LTA4H: variants seen among roughly 807,000 people sequenced by gnomAD.
LTA4H encodes the protein leukotriene A-4 hydrolase.
LTA4H carries 59 observed loss-of-function variants against 89.8 expected under a neutral mutation model. The observed-to-expected ratio is 0.66, with a 90% confidence interval of 0.53 to 0.82. The LOEUF is 0.82. LTA4H is among the 40% of genes least tolerant of loss of function. The pLI, the probability that LTA4H is intolerant of heterozygous loss-of-function variation, is 0.00. For synonymous variants in LTA4H, 227 were observed against 253.1 expected, an observed-to-expected ratio of 0.90 and a Z score of 0.98; for missense variants, 617 against 727.0, an observed-to-expected ratio of 0.85 and a Z score of 1.74.
upstream of LTA4H, among the ~76,000 whole-genome samples, chr12:96,037,846 G>A (rs564346653): frequency 1.7e-4 from 26 of 152,038 alleles, no homozygotes; most frequent in Middle Eastern, 3.4e-3. Context: ...CACCAAGACC[G>A]ACTAATTTTT....
At chr12:96,028,304 G>A (rs769537330) in intron 2 of LTA4H, among the ~76,000 whole-genome samples, 4 of 152,106 alleles carry the variant, frequency 2.6e-5, no homozygotes, top group Non-Finnish European at 5.9e-5. Context: ...ACCTCCCTAT[G>A]CCACAGTTTC....
chr12:96,029,002 AAT>A (rs1950542331), intron 2 of LTA4H, 51 bp downstream of exon 2: 1 of 1,427,508 alleles, frequency 7.0e-7, no homozygotes, highest in East Asian at 2.5e-5. Context: ...ATTAGTTAAG[AAT>A]ATGTTTCCCC....
chr12:96,008,972 T>G (rs1181329076), intron 15 of LTA4H, 122 bp downstream of exon 15: 2 of 744,736 alleles, frequency 2.7e-6, no homozygotes, highest in Non-Finnish European at 4.7e-6. Context: ...TAGATAAACC[T>G]GACTTTCAAA....
chr12:96,004,451 G>A (rs1303763408), intron 16 of LTA4H, among the ~76,000 whole-genome samples: 1 of 152,140 alleles, frequency 6.6e-6, no homozygotes, highest in Non-Finnish European at 1.5e-5. Context: ...TTTCCCTAGG[G>A]GGAAAATACA....
At chr12:96,001,218 G>T in intron 18 of LTA4H, 112 bp from the exon 19 acceptor site, 1 of 693,062 alleles carries the variant, frequency 1.4e-6, no homozygotes. Context: ...AAAGGAAAAA[G>T]GAAGGAGAAA....
chr12:96,002,499 G>C (rs534803860), intron 18 of LTA4H, among the ~76,000 whole-genome samples: 2 of 152,152 alleles, frequency 1.3e-5, no homozygotes, highest in Admixed American at 1.3e-4. Flanking sequence ...TTGCTGTCAA[G>C]ATACAACTTA....
rs770568978 is a variant in LTA4H at position 96,018,841 on chromosome 12, G to A, written c.774C>T (p.Asp258=). The A allele has an allele frequency of 4.4e-6, 7 of 1,604,144 alleles. No homozygotes were observed. The highest frequency in any genetic ancestry group is 5.1e-6 in the Non-Finnish European group (6 of 1,176,876). The change falls in exon 8 of 19, where the codon GAC becomes GAT. Residue 258 remains aspartate, a synonymous_variant. Transcript: ENST00000228740. ...GGAAGGATGGTGGCAGGACCAATAGGTCATACTGTCCCCATACATACGGTC... is the reference window on the plus strand; with the variant it reads ...GGAAGGATGGTGGCAGGACCAATAGATCATACTGTCCCCATACATACGGTC... ...LGGPYVWGQY[D]LLVLPPSFPY...
chr12:96,011,063 G>A (rs905816643), intron 14 of LTA4H: 1 of 152,056 alleles, frequency 6.6e-6, no homozygotes, highest in African/African-American at 2.4e-5. Context: ...CAGCACTTTG[G>A]TATTACTTGA....
Position 96,035,587 on chromosome 12 carries a change from G to A in LTA4H, c.-68C>T, listed in dbSNP as rs1405837457. 1 of 1,510,422 alleles carries A rather than the reference G, an allele frequency of 6.6e-7. No homozygotes were observed. Among genetic ancestry groups the A allele is most frequent in the African/African-American group, 1.4e-5 (1 of 72,614 alleles). 93.6% of individuals were successfully genotyped at this position (1,510,422 alleles called of 1,614,324 possible). ...CTCAGCTACCAGACTCGTCGATAGA[G>A]AACCTGAGGAGGAGGGAGAGAGGTA... On this transcript the variant is annotated 5_prime_UTR_variant, in exon 1 of 19. Transcript: ENST00000228740.
At chr12:96,041,706 A>G (rs1030603313) in intron 1 of LTA4H, among the ~76,000 whole-genome samples, 2 of 152,170 alleles carry the variant, frequency 1.3e-5, no homozygotes, top group African/African-American at 2.4e-5. Context: ...CAGTGGCACA[A>G]TCTCGGCTCA....
At chr12:96,024,425 A>G in intron 4 of LTA4H, 54 bp downstream of exon 4, 1 of 1,004,606 alleles carries the variant, frequency 1.0e-6, no homozygotes, top group East Asian at 2.4e-5. Context: ...TATCATTTAT[A>G]CCATATTTAC....
intron 6 of LTA4H, chr12:96,020,855 A>G (rs1186144768): frequency 1.2e-5 from 5 of 428,874 alleles, no homozygotes; most frequent in Middle Eastern, 3.1e-4. Context: ...AGATCTCTAA[A>G]GGTAAGAGCA....
chr12:96,033,729 C>A (rs1256092572), intron 1 of LTA4H, among the ~76,000 whole-genome samples: 1 of 152,098 alleles, frequency 6.6e-6, no homozygotes, highest in African/African-American at 2.4e-5. Context: ...CCCAACAGGC[C>A]CTGGTGTGTG....
chr12:96,021,909 T>C (rs1950457453), intron 5 of LTA4H, among the ~76,000 whole-genome samples: 1 of 151,882 alleles, frequency 6.6e-6, no homozygotes. Context: ...TGAGGGAAAA[T>C]GAAAACAGGT....
chr12:96,032,576 A>C (rs1179418612), intron 1 of LTA4H, among the ~76,000 whole-genome samples: 2 of 152,242 alleles, frequency 1.3e-5, no homozygotes, highest in African/African-American at 4.8e-5. Flanking sequence ...GTTAACTTTA[A>C]ATAAATACTA....
chr12:96,043,369 G>T (rs1432750803), exon 1 of LTA4H: 2 of 1,532,120 alleles, frequency 1.3e-6, no homozygotes, highest in Non-Finnish European at 8.7e-7. Context: ...TTTCTCTGTG[G>T]CAGCATGGGA....
In LTA4H at chr12:96,003,951, C is replaced by T. The variant is rs1213340192; in HGVS notation, c.1531-31G>A. The T allele has an allele frequency of 2.2e-6, 3 of 1,355,224 alleles. No individual in the cohort carries two copies. In the South Asian group the frequency reaches 3.8e-5, roughly 17 times the overall value. 83.9% of individuals were successfully genotyped at this position (1,355,224 alleles called of 1,614,324 possible). On this transcript the variant is annotated intron_variant, in intron 16 of 18. Coordinates refer to ENST00000228740, the MANE Select transcript of LTA4H (RefSeq NM_000895.3). ...AGCAAAATAAAGAAGTATACCGTATCATTTCAACAGGATTCCTTGGAAGAA... is the reference window on the plus strand; with the variant it reads ...AGCAAAATAAAGAAGTATACCGTATTATTTCAACAGGATTCCTTGGAAGAA...
At chr12:96,036,072 G>T (rs1238431931), upstream of LTA4H, among the ~76,000 whole-genome samples, 1 of 152,166 alleles carries the variant, frequency 6.6e-6, no homozygotes, top group Non-Finnish European at 1.5e-5. Flanking sequence ...GGAGACCGGG[G>T]TTCGATTCCC....
chr12:96,006,290 C>T (rs778073842), intron 16 of LTA4H, 24 bp downstream of exon 16: 14 of 1,478,238 alleles, frequency 9.5e-6, no homozygotes, highest in Non-Finnish European at 1.3e-5. Context: ...ATTTTAATTT[C>T]TAAGATTTTG....
Sources: gnomAD v4.1 joint callset for allele counts (sites outside exome capture counted in the v4.1 genomes callset) on GRCh38, gnomAD v4.1.1 for gene constraint, MANE v1.5 for transcripts, NCBI Gene and HGNC (gene_info 2026-07-23, HGNC 2026-07-21) for gene names.